The following MICAL3 variants were observed in gnomAD, a reference collection of about 807,000 sequenced individuals.
MICAL3 encodes the protein microtubule associated monooxygenase, calponin and LIM domain containing 3.
A neutral mutation model predicts 207.4 loss-of-function variants in MICAL3; 62 were observed. That is an observed-to-expected ratio of 0.30 (90% CI 0.24 to 0.37). The LOEUF is 0.37. MICAL3 is among the 10% of genes least tolerant of loss of function. The pLI is 1.00. For synonymous variants in MICAL3, 1,077 were observed against 1,069.3 expected, an observed-to-expected ratio of 1.01 and a Z score of -0.14; for missense variants, 2,368 against 2,635.6, an observed-to-expected ratio of 0.90 and a Z score of 2.22.
chr22:17,899,015 A>G (rs888123513), intron 7 of MICAL3, among the ~76,000 whole-genome samples: 3 of 152,206 alleles, frequency 2.0e-5, no homozygotes, highest in African/African-American at 4.8e-5. Context: ...CTCCCAAAAG[A>G]TAACTCTTCA....
At chr22:17,877,256 GGTTAGGGAA>G (rs1161752080) in intron 16 of MICAL3, among the ~76,000 whole-genome samples, 46 of 115,418 alleles carry the variant, frequency 4.0e-4, no homozygotes, top group Admixed American at 5.8e-4. Flanking sequence ...AGGTTAGGGA[GGTTAGGGAA>G]GTTATGGAGG....
intron 19 of MICAL3, chr22:17,864,588 T>A: frequency 6.7e-7 from 1 of 1,487,926 alleles, no homozygotes; most frequent in Non-Finnish European, 8.9e-7. Flanking sequence ...CGCCCTCAGG[T>A]GTGATGGTGC....
intron 22 of MICAL3, 90 bp from the exon 23 acceptor site, chr22:17,823,150 C>T: frequency 1.2e-6 from 1 of 854,326 alleles, no homozygotes; most frequent in Non-Finnish European, 1.9e-6. Flanking sequence ...CTGCCTTTCT[C>T]AGGGCGCTGC....
intron 1 of MICAL3, among the ~76,000 whole-genome samples, chr22:18,023,435 T>C (rs1924608336): frequency 7.7e-6 from 1 of 129,772 alleles, no homozygotes; most frequent in Non-Finnish European, 1.8e-5. Flanking sequence ...TTTTTTCATT[T>C]CTTTACAATG....
Position 17,893,833 on chromosome 22 carries a change from T to A in MICAL3, c.1521A>T (p.Arg507=), listed in dbSNP as rs770196296. ...HLEMESLVNS[R]TTPKLTRNES... ...CATTGCGAGTCAATTTGGGGGTGGTTCGGGAATTCACCAGGCTCTCCATTT... is the reference window on the plus strand; with the variant it reads ...CATTGCGAGTCAATTTGGGGGTGGTACGGGAATTCACCAGGCTCTCCATTT... Residue 507 remains arginine, a synonymous_variant, in exon 11 of 32, where the codon CGA becomes CGT. Coordinates refer to ENST00000441493, the MANE Select transcript of MICAL3 (RefSeq NM_015241.3). 1 of 1,577,506 alleles carries A rather than the reference T, an allele frequency of 6.3e-7. No homozygotes were observed. Among genetic ancestry groups the A allele is most frequent in the Non-Finnish European group, 8.6e-7 (1 of 1,160,298 alleles).
At chr22:17,805,312 G>T (rs1244240492) in intron 29 of MICAL3, among the ~76,000 whole-genome samples, 1 of 152,206 alleles carries the variant, frequency 6.6e-6, no homozygotes, top group Non-Finnish European at 1.5e-5. Context: ...CGCACACCTG[G>T]GCTTCAGAGA....
At chr22:17,908,778 C>T (rs75140161) in intron 1 of MICAL3, among the ~76,000 whole-genome samples, 2,510 of 152,300 alleles carry the variant, frequency 0.016, 39 homozygotes, top group Non-Finnish European at 0.024. Flanking sequence ...GGGTTGGGTG[C>T]AGACAGAGGA....
At chr22:17,976,275 C>A (rs13057356) in intron 1 of MICAL3, among the ~76,000 whole-genome samples, 1 of 151,944 alleles carries the variant, frequency 6.6e-6, no homozygotes, top group Non-Finnish European at 1.5e-5. Context: ...TGTTAAATTC[C>A]GTGTCTTATA....
rs922268753 is a variant in MICAL3 at position 17,899,607 on chromosome 22, C to A, written c.848-59G>T. 2.6e-6 allele frequency: 3 copies of A among 1,141,824 alleles called. No individual in the cohort carries two copies. The African/African-American group carries it at 4.6e-5, about 17-fold the overall frequency. The allele number at this position is 1,141,824 out of a possible 1,614,324, so 70.7% of individuals were successfully genotyped here. A position where few individuals can be genotyped will look rare whatever the true frequency, so the allele number is the denominator to read the frequency against. Reference sequence around the variant, plus strand: ...TTGCTGAGATGAAGGTGCATCAGGGCAGGCTGAAAGGTTACACACAGGCCT... The same window carrying A: ...TTGCTGAGATGAAGGTGCATCAGGGAAGGCTGAAAGGTTACACACAGGCCT... On this transcript the variant is annotated intron_variant, in intron 6 of 31. Transcript: ENST00000441493.
chr22:18,003,191 G>A (rs992758795), intron 1 of MICAL3, among the ~76,000 whole-genome samples: 1 of 151,278 alleles, frequency 6.6e-6, no homozygotes, highest in African/African-American at 2.4e-5. Context: ...TTAGTTGAAA[G>A]TCGATAGACT....
In MICAL3 at chr22:17,889,163, T is replaced by C; in HGVS notation, c.1762A>G (p.Lys588Glu). ...ATGATGGGAGAAATGCCCAATTCCT[T>C]CTCAGCAATGTCAAAGGCCAGTTGG... ...NNQLAFDIAE[K>E]ELGISPIMTG... Residue 588 changes from lysine to glutamate, a missense_variant, in exon 13 of 32, where the codon AAG becomes GAG. Coordinates refer to ENST00000441493, the MANE Select transcript of MICAL3 (RefSeq NM_015241.3). The C allele has an allele frequency of 6.2e-7, 1 of 1,613,876 alleles. No individual in the cohort carries two copies. Among genetic ancestry groups the C allele is most frequent in the Non-Finnish European group, 8.5e-7 (1 of 1,179,814 alleles).
At chr22:17,822,477 G>C (rs750550392) in intron 23 of MICAL3, among the ~76,000 whole-genome samples, 5 of 152,202 alleles carry the variant, frequency 3.3e-5, no homozygotes, top group Non-Finnish European at 5.9e-5. Flanking sequence ...GTGTGCCTGT[G>C]GAGGGCAGGC....
At chr22:17,877,545 G>GTTA (rs1928942352) in intron 16 of MICAL3, among the ~76,000 whole-genome samples, 1 of 145,082 alleles carries the variant, frequency 6.9e-6, no homozygotes, top group African/African-American at 2.5e-5. Flanking sequence ...GGTTATGGAG[G>GTTA]TGAGGGAGGT....
intron 17 of MICAL3, among the ~76,000 whole-genome samples, chr22:17,867,447 G>C (rs1927264927): frequency 6.6e-6 from 1 of 152,234 alleles, no homozygotes; most frequent in Non-Finnish European, 1.5e-5. Flanking sequence ...CCAATAATTA[G>C]GATAAGGTAA....
intron 7 of MICAL3, 130 bp from the exon 8 acceptor site, chr22:17,897,111 T>C (rs537786000): frequency 1.2e-5 from 12 of 977,600 alleles, no homozygotes; most frequent in East Asian, 2.4e-5. Context: ...CCAAAACTTT[T>C]ATACCATTAA....
chr22:17,946,443 A>G (rs1287614945), intron 1 of MICAL3, among the ~76,000 whole-genome samples: 1 of 152,172 alleles, frequency 6.6e-6, no homozygotes, highest in African/African-American at 2.4e-5. Flanking sequence ...TCTTTCATTT[A>G]GTGTAGGGAA....
In MICAL3 at chr22:17,835,022, AG is replaced by A. The variant is rs1464143507; in HGVS notation, c.2802-2916del. ...CAGGGCCGCACTGCAGTTCACTGGG[AG>A]GGGGCCTCAGCACAGGCCTGTCCTC... On this transcript the variant is annotated intron_variant, in intron 20 of 31. Coordinates refer to ENST00000441493, the MANE Select transcript of MICAL3 (RefSeq NM_015241.3). 2.0e-5 allele frequency among the ~76,000 whole-genome samples: 3 copies of A among 152,174 alleles called. No homozygotes were observed. In the East Asian group the frequency reaches 5.8e-4, roughly 29 times the overall value.
At chr22:17,942,415 A>G (rs1933850542) in intron 1 of MICAL3, among the ~76,000 whole-genome samples, 1 of 152,170 alleles carries the variant, frequency 6.6e-6, no homozygotes, top group South Asian at 2.1e-4. Context: ...CTCCTGTCAG[A>G]CATGCCTCAC....
At chr22:17,799,982 A>ACACACACACACACACGCG (rs932512538) in intron 29 of MICAL3, among the ~76,000 whole-genome samples, 1 of 147,654 alleles carries the variant, frequency 6.8e-6, no homozygotes, top group African/African-American at 2.5e-5. Context: ...ACACACACAC[A>ACACACACACACACACGCG]CGCGTTGGGA....
Sources: gnomAD v4.1 joint callset for allele counts (sites outside exome capture counted in the v4.1 genomes callset) on GRCh38, gnomAD v4.1.1 for gene constraint, MANE v1.5 for transcripts, NCBI Gene and HGNC (gene_info 2026-07-23, HGNC 2026-07-21) for gene names.